The following TAOK1 variants were observed in gnomAD, a reference collection of about 807,000 sequenced individuals.
TAOK1 encodes the protein serine/threonine-protein kinase TAO1.
Under a neutral mutation model 138.3 loss-of-function variants are expected in TAOK1, and 21 were observed. That is an observed-to-expected ratio of 0.15 (90% CI 0.11 to 0.22). The LOEUF (loss-of-function observed/expected upper bound fraction) is 0.22, where lower values mean the gene tolerates loss of function less well. Ranked by LOEUF, TAOK1 falls within the 10% of genes least tolerant of loss-of-function variation. TAOK1 has a pLI of 1.00. For missense variants in TAOK1, 651 were observed against 1,227.7 expected (o/e 0.53, Z 7.02); for synonymous variants, 361 against 398.4 (o/e 0.91, Z 1.12).
chr17:29,452,576 C>A (rs898448351), intron 2 of TAOK1, among the ~76,000 whole-genome samples: 1 of 152,176 alleles, frequency 6.6e-6, no homozygotes, highest in African/African-American at 2.4e-5. Flanking sequence ...CCACCATCTA[C>A]TTCTAAAACA....
intron 1 of TAOK1, among the ~76,000 whole-genome samples, chr17:29,397,678 T>TGTATATTCATGTATGATACAC (rs1567706751): frequency 6.9e-6 from 1 of 145,260 alleles, no homozygotes; most frequent in Non-Finnish European, 1.5e-5. Flanking sequence ...CATGTATACA[T>TGTATATTCATGTATGATACAC]GTATACATGT....
chr17:29,419,879 T>TTTTG (rs1391067615), intron 1 of TAOK1, among the ~76,000 whole-genome samples: 1 of 151,970 alleles, frequency 6.6e-6, no homozygotes, highest in South Asian at 2.1e-4. Flanking sequence ...AAAATTGTTT[T>TTTTG]TTTGTTTGTT....
intron 2 of TAOK1, among the ~76,000 whole-genome samples, chr17:29,462,267 TAGTG>T (rs1256134373): frequency 6.6e-6 from 1 of 152,310 alleles, no homozygotes; most frequent in Admixed American, 6.5e-5. Context: ...ACTGGTACCG[TAGTG>T]AGTATTTGAA....
chr17:29,520,369 CACTTGAGGCCAGGAGTTTGAG>C (rs1002887531), intron 16 of TAOK1, among the ~76,000 whole-genome samples: 67 of 151,970 alleles, frequency 4.4e-4, no homozygotes, highest in African/African-American at 1.6e-3. Flanking sequence ...GTGGGAGGAT[CACTTGAGGCCAGGAGTTTGAG>C]ACTGTCCTGG....
intron 1 of TAOK1, among the ~76,000 whole-genome samples, chr17:29,396,152 G>C (rs1156278825): frequency 6.6e-6 from 1 of 152,038 alleles, no homozygotes; most frequent in Non-Finnish European, 1.5e-5. Flanking sequence ...AAATCTACAT[G>C]AATTAAAAAG....
chr17:29,439,508 T>C (rs934630754), intron 1 of TAOK1, among the ~76,000 whole-genome samples: 1 of 152,056 alleles, frequency 6.6e-6, no homozygotes, highest in Non-Finnish European at 1.5e-5. Flanking sequence ...CAGCCGATAA[T>C]GCCTTTTAAA....
At chr17:29,424,291 G>T (rs953734589) in intron 1 of TAOK1, among the ~76,000 whole-genome samples, 4 of 151,556 alleles carry the variant, frequency 2.6e-5, no homozygotes, top group African/African-American at 9.7e-5. Context: ...AAAAAAATTA[G>T]CCAGGCATGG....
At chr17:29,392,962 G>C (rs970312909) in intron 1 of TAOK1, among the ~76,000 whole-genome samples, 7 of 152,142 alleles carry the variant, frequency 4.6e-5, no homozygotes, top group Admixed American at 3.3e-4. Context: ...TGATTTTGAT[G>C]TAGGAGACAT....
intron 1 of TAOK1, among the ~76,000 whole-genome samples, chr17:29,421,855 G>A (rs996225689): frequency 1.3e-5 from 2 of 151,034 alleles, no homozygotes; most frequent in African/African-American, 2.4e-5. Flanking sequence ...CTCGCCACTC[G>A]GCTTCCTATA....
chr17:29,476,179 C>T (rs1025418043), intron 4 of TAOK1, among the ~76,000 whole-genome samples: 2 of 152,154 alleles, frequency 1.3e-5, no homozygotes, highest in African/African-American at 4.8e-5. Flanking sequence ...GAGCTGATCA[C>T]GATTCCTTGG....
intron 10 of TAOK1, among the ~76,000 whole-genome samples, chr17:29,493,990 C>T (rs557707690): frequency 2.6e-5 from 4 of 152,076 alleles, no homozygotes; most frequent in Admixed American, 2.0e-4. Flanking sequence ...GATCTCAGCT[C>T]ACTGCAACCT....
At chr17:29,524,795 A>G (rs764874334) in intron 17 of TAOK1, among the ~76,000 whole-genome samples, 1 of 152,076 alleles carries the variant, frequency 6.6e-6, no homozygotes, top group Non-Finnish European at 1.5e-5. Flanking sequence ...CATTTTATTT[A>G]TGTTGATTAG....
At chr17:29,391,987 C>A (rs1000375766) in intron 1 of TAOK1, among the ~76,000 whole-genome samples, 1 of 152,126 alleles carries the variant, frequency 6.6e-6, no homozygotes, top group African/African-American at 2.4e-5. Context: ...GAGGCCAAGG[C>A]GGGCGGATCA....
chr17:29,507,760 G>T, intron 13 of TAOK1, 136 bp from the exon 14 acceptor site: 4 of 792,692 alleles, frequency 5.0e-6, no homozygotes, highest in South Asian at 2.0e-5. Flanking sequence ...AGACTTGTTG[G>T]AAATTTCCTT....
chr17:29,449,289 A>G (rs2030173850), intron 1 of TAOK1, among the ~76,000 whole-genome samples: 1 of 152,184 alleles, frequency 6.6e-6, no homozygotes, highest in Admixed American at 6.6e-5. Flanking sequence ...TCTTGGAAGA[A>G]CTGTGATTAA....
chr17:29,532,189 A>G (rs1463190386), intron 18 of TAOK1, among the ~76,000 whole-genome samples: 1 of 151,268 alleles, frequency 6.6e-6, no homozygotes, highest in Non-Finnish European at 1.5e-5. Flanking sequence ...TGAAAACACC[A>G]CTCTTAGCTC....
intron 11 of TAOK1, among the ~76,000 whole-genome samples, chr17:29,497,113 C>A (rs1012900639): frequency 6.6e-6 from 1 of 152,058 alleles, no homozygotes; most frequent in Admixed American, 6.5e-5. Context: ...ATGTGTAAAG[C>A]TATTTTTTCC....
At chr17:29,437,276 C>G (rs539121667) in intron 1 of TAOK1, among the ~76,000 whole-genome samples, 8 of 152,124 alleles carry the variant, frequency 5.3e-5, no homozygotes, top group Admixed American at 1.3e-4. Flanking sequence ...GTTGGCCAGG[C>G]TGGTCTCAAG....
rs2030243073 is a variant in TAOK1 at position 29,451,770 on chromosome 17, G to T, written c.132+90G>T. On this transcript the variant is annotated intron_variant, in intron 2 of 19. Coordinates refer to ENST00000261716, the MANE Select transcript of TAOK1 (RefSeq NM_020791.4). ...AATATAGTAATGAAAAGAGATATAG[G>T]CCATAGTCATTTTATAGTCACTTGC... 4.2e-6 allele frequency: 6 copies of T among 1,440,318 alleles called. No homozygotes were observed. The South Asian group carries it at 7.4e-5, about 18-fold the overall frequency. The allele number at this position is 1,440,318 out of a possible 1,614,324, so 89.2% of individuals were successfully genotyped here.
Sources: gnomAD v4.1 joint callset for allele counts (sites outside exome capture counted in the v4.1 genomes callset) on GRCh38, gnomAD v4.1.1 for gene constraint, MANE v1.5 for transcripts, NCBI Gene and HGNC (gene_info 2026-07-23, HGNC 2026-07-21) for gene names.